The following TRIM75 variants were observed in gnomAD, a reference collection of about 807,000 sequenced individuals.
The protein encoded by TRIM75 is tripartite motif containing 75.
the TRIM75 span, chr4:165,060,180 C>G: frequency 1.3e-6 from 1 of 780,890 alleles, no homozygotes; most frequent in Non-Finnish European, 2.4e-6. Context: ...TCCGTATTTT[C>G]ATTCTGGCAG....
chr4:165,054,001 C>T, the TRIM75 span, among the ~76,000 whole-genome samples: 1 of 152,080 alleles, frequency 6.6e-6, no homozygotes, highest in African/African-American at 2.4e-5. Context: ...TGTAGTGAAA[C>T]CCGTGACCTC....
At chr4:165,054,459 G>C in the TRIM75 span, among the ~76,000 whole-genome samples, 1 of 152,142 alleles carries the variant, frequency 6.6e-6, no homozygotes, top group Non-Finnish European at 1.5e-5. Flanking sequence ...AGTAGAAACA[G>C]GGTTTCACCA....
chr4:165,058,337 T>G, the TRIM75 span, among the ~76,000 whole-genome samples: 8 of 140,780 alleles, frequency 5.7e-5, no homozygotes, highest in African/African-American at 9.5e-5. Context: ...CCCAACTAAT[T>G]TTTTTTTTAT....
chr4:165,057,179 A>G, the TRIM75 span, among the ~76,000 whole-genome samples: 23 of 152,234 alleles, frequency 1.5e-4, no homozygotes, highest in South Asian at 4.8e-3. Context: ...ACATTTTCCA[A>G]TGCTTCCTCT....
At chr4:165,059,003 T>G in the TRIM75 span, 1 of 585,476 alleles carries the variant, frequency 1.7e-6, no homozygotes, top group Non-Finnish European at 3.1e-6. Flanking sequence ...ATGTGAGAAA[T>G]CAGTGGGACT....
At chr4:165,056,856 A>G in the TRIM75 span, among the ~76,000 whole-genome samples, 1 of 152,074 alleles carries the variant, frequency 6.6e-6, no homozygotes, top group African/African-American at 2.4e-5. Flanking sequence ...ACCTCAGGTC[A>G]TCTGCCCGCC....
At chr4:165,055,409 C>T in the TRIM75 span, among the ~76,000 whole-genome samples, 14 of 151,914 alleles carry the variant, frequency 9.2e-5, no homozygotes, top group Admixed American at 2.0e-4. Flanking sequence ...CTCAGCCTCC[C>T]GAGTAGCTGG....
the TRIM75 span, among the ~76,000 whole-genome samples, chr4:165,058,315 C>A: frequency 6.6e-6 from 1 of 151,986 alleles, no homozygotes; most frequent in Non-Finnish European, 1.5e-5. Flanking sequence ...ACTACAGGTG[C>A]GCACCATCAT....
At chr4:165,054,705 G>A in the TRIM75 span, among the ~76,000 whole-genome samples, 1 of 152,100 alleles carries the variant, frequency 6.6e-6, no homozygotes, top group Non-Finnish European at 1.5e-5. Context: ...TGCGGCATAA[G>A]GTTATTTTAA....
At chr4:165,057,463 C>T in the TRIM75 span, among the ~76,000 whole-genome samples, 3 of 152,170 alleles carry the variant, frequency 2.0e-5, no homozygotes, top group Non-Finnish European at 4.4e-5. Flanking sequence ...AAGTCATCTG[C>T]ATTTTTATAG....
At chr4:165,054,723 G>A in the TRIM75 span, among the ~76,000 whole-genome samples, 2 of 152,114 alleles carry the variant, frequency 1.3e-5, no homozygotes, top group South Asian at 2.1e-4. Flanking sequence ...TAAAACGCAC[G>A]CCATTTATTT....
At chr4:165,059,626 A>T in the TRIM75 span, 1 of 780,934 alleles carries the variant, frequency 1.3e-6, no homozygotes, top group Non-Finnish European at 2.4e-6. Context: ...GACCTCCAAA[A>T]ATTAATAAGC....
chr4:165,054,766 C>T, the TRIM75 span, among the ~76,000 whole-genome samples: 42 of 152,116 alleles, frequency 2.8e-4, no homozygotes, highest in Non-Finnish European at 1.0e-4. Flanking sequence ...CTAGTTTTGT[C>T]CTAAGTCACC....
At chr4:165,054,602 G>T in the TRIM75 span, among the ~76,000 whole-genome samples, 6 of 151,916 alleles carry the variant, frequency 3.9e-5, no homozygotes, top group Non-Finnish European at 8.8e-5. Flanking sequence ...GTCTCACCGT[G>T]TTGGCCAGGT....
the TRIM75 span, among the ~76,000 whole-genome samples, chr4:165,056,398 C>T: frequency 6.6e-6 from 1 of 151,666 alleles, no homozygotes; most frequent in African/African-American, 2.4e-5. Flanking sequence ...AAAGGTCTGT[C>T]TTCAGGACTG....
At chr4:165,054,722 C>T in the TRIM75 span, among the ~76,000 whole-genome samples, 7 of 152,142 alleles carry the variant, frequency 4.6e-5, no homozygotes, top group African/African-American at 1.2e-4. Flanking sequence ...TTAAAACGCA[C>T]GCCATTTATT....
chr4:165,055,604 G>GAGGAC, the TRIM75 span, among the ~76,000 whole-genome samples: 1 of 152,038 alleles, frequency 6.6e-6, no homozygotes, highest in African/African-American at 2.4e-5. Context: ...TTACAAAGGA[G>GAGGAC]AGGCGTTTGA....
chr4:165,060,357 C>T, the TRIM75 span: 8 of 780,936 alleles, frequency 1.0e-5, no homozygotes, highest in East Asian at 9.7e-5. Flanking sequence ...TCCAACCCCT[C>T]TGTTGTTAGA....
At chr4:165,056,017 G>A in the TRIM75 span, among the ~76,000 whole-genome samples, 1 of 149,364 alleles carries the variant, frequency 6.7e-6, no homozygotes, top group Non-Finnish European at 1.5e-5. Context: ...CTGGGTTCAA[G>A]CGACTTTCCC....
Sources: allele counts gnomAD v4.1 joint callset (sites outside exome capture counted in the v4.1 genomes callset), GRCh38; gene constraint gnomAD v4.1.1; transcripts MANE v1.5; gene names NCBI Gene and HGNC (gene_info 2026-07-23, HGNC 2026-07-21).